DIAPH3: variants seen among roughly 807,000 people sequenced by gnomAD.
The protein encoded by DIAPH3 is diaphanous related formin 3, also known as protein diaphanous homolog 3.
DIAPH3 carries 117 observed loss-of-function variants against 144.3 expected under a neutral mutation model. That is an observed-to-expected ratio of 0.81 (90% CI 0.70 to 0.95). The LOEUF (loss-of-function observed/expected upper bound fraction) is 0.95, where lower values mean the gene tolerates loss of function less well. DIAPH3 is among the 40% of genes least tolerant of loss of function. The pLI is 0.00. For missense variants in DIAPH3, 1,421 were observed against 1,412.7 expected (o/e 1.01, Z -0.09); for synonymous variants, 519 against 488.9 (o/e 1.06, Z -0.81).
chr13:59,820,247 C>G (rs573259921), intron 24 of DIAPH3, among the ~76,000 whole-genome samples: 1 of 151,898 alleles, frequency 6.6e-6, no homozygotes, highest in Non-Finnish European at 1.5e-5. Flanking sequence ...TATTGGAATA[C>G]GATGGTACAC....
At chr13:60,126,438 ATGCACTTTAC>A in intron 2 of DIAPH3, among the ~76,000 whole-genome samples, 1 of 152,334 alleles carries the variant, frequency 6.6e-6, no homozygotes, top group Admixed American at 6.5e-5. Flanking sequence ...AATCTTATAT[ATGCACTTTAC>A]TGCAAAGCTT....
At chr13:59,779,759 G>C (rs973890461) in intron 25 of DIAPH3, among the ~76,000 whole-genome samples, 9 of 152,044 alleles carry the variant, frequency 5.9e-5, no homozygotes, top group African/African-American at 2.2e-4. Flanking sequence ...TTATCTGCCA[G>C]CCTAGGCTTC....
At chr13:59,895,199 C>A (rs2046016037) in intron 20 of DIAPH3, among the ~76,000 whole-genome samples, 1 of 151,978 alleles carries the variant, frequency 6.6e-6, no homozygotes, top group Non-Finnish European at 1.5e-5. Context: ...TTTCCTTGGA[C>A]AAATATAGTA....
intron 27 of DIAPH3, among the ~76,000 whole-genome samples, chr13:59,764,635 GC>G (rs1566277508): frequency 6.7e-6 from 1 of 149,378 alleles, no homozygotes; most frequent in Non-Finnish European, 1.5e-5. Flanking sequence ...TCCCTATAAG[GC>G]AGCCATGTGA....
At chr13:59,904,602 T>C (rs1317064916) in intron 20 of DIAPH3, among the ~76,000 whole-genome samples, 1 of 152,146 alleles carries the variant, frequency 6.6e-6, no homozygotes, top group Non-Finnish European at 1.5e-5. Flanking sequence ...AACCAACTGC[T>C]ATTTTCCATG....
rs67202819 is a variant in DIAPH3 at position 59,812,248 on chromosome 13, G to GCATC, written c.3028-1329_3028-1326dup. ...AGGGGACAGTAACTCATGCATGCAT[G>GCATC]CATCCATCCATCCATCCATCCATCC... On this transcript the variant is annotated intron_variant, in intron 24 of 27. Transcript: ENST00000400324. 7.9e-3 allele frequency among the ~76,000 whole-genome samples: 1,193 copies of GCATC among 150,108 alleles called. 19 individuals carry two copies. The highest frequency in any genetic ancestry group is 0.027 in the African/African-American group (1,098 of 40,724).
At chr13:60,141,269 GAAAT>G (rs2059420294) in intron 1 of DIAPH3, among the ~76,000 whole-genome samples, 1 of 151,942 alleles carries the variant, frequency 6.6e-6, no homozygotes, top group South Asian at 2.1e-4. Context: ...CAAAATATAA[GAAAT>G]AAAAGATAAA....
At chr13:59,765,152 A>ACTTTTTT (rs2037806150) in intron 27 of DIAPH3, among the ~76,000 whole-genome samples, 1 of 152,164 alleles carries the variant, frequency 6.6e-6, no homozygotes, top group South Asian at 2.1e-4. Context: ...TTAATTTTCA[A>ACTTTTTT]CTTTTTTCTG....
chr13:60,104,566 GCACACACACACACA>G (rs10633554), intron 3 of DIAPH3, among the ~76,000 whole-genome samples: 1 of 147,026 alleles, frequency 6.8e-6, no homozygotes, highest in Non-Finnish European at 1.5e-5. Context: ...CAGTATCAAG[GCACACACACACACA>G]CACACACACA....
At chr13:59,758,654 G>A (rs2037408427) in intron 27 of DIAPH3, among the ~76,000 whole-genome samples, 1 of 152,092 alleles carries the variant, frequency 6.6e-6, no homozygotes, top group South Asian at 2.1e-4. Context: ...TAAAATGAAG[G>A]AAGAAGCTAG....
At chr13:59,884,161 G>A (rs1480857462) in intron 20 of DIAPH3, among the ~76,000 whole-genome samples, 5 of 152,070 alleles carry the variant, frequency 3.3e-5, no homozygotes, top group Non-Finnish European at 5.9e-5. Flanking sequence ...CGAGAACCCT[G>A]TTGTGAACTA....
intron 1 of DIAPH3, among the ~76,000 whole-genome samples, chr13:60,153,187 G>A (rs1485361471): frequency 6.6e-6 from 1 of 151,984 alleles, no homozygotes; most frequent in Non-Finnish European, 1.5e-5. Flanking sequence ...TTCCACTTAG[G>A]AAGAGTTCAG....
chr13:59,776,214 A>G (rs1355555207), intron 25 of DIAPH3, among the ~76,000 whole-genome samples: 1 of 152,206 alleles, frequency 6.6e-6, no homozygotes, highest in African/African-American at 2.4e-5. Flanking sequence ...AAACAGATAT[A>G]TAAATATAAA....
intron 3 of DIAPH3, among the ~76,000 whole-genome samples, chr13:60,102,689 A>C (rs1422694719): frequency 6.6e-6 from 1 of 152,208 alleles, no homozygotes; most frequent in Non-Finnish European, 1.5e-5. Flanking sequence ...AAAGATGGCC[A>C]AGCTAAAATC....
At chr13:59,721,876 C>A (rs1039420304) in intron 27 of DIAPH3, among the ~76,000 whole-genome samples, 3 of 152,268 alleles carry the variant, frequency 2.0e-5, no homozygotes, top group Non-Finnish European at 4.4e-5. Flanking sequence ...CAAAACTAAT[C>A]AAGGCAGATA....
Position 60,163,833 on chromosome 13 carries a change from G to A in DIAPH3, c.-67C>T. 2 of 1,528,494 alleles carry A rather than the reference G, an allele frequency of 1.3e-6. No homozygotes were observed. Among genetic ancestry groups the A allele is most frequent in the Non-Finnish European group, 1.8e-6 (2 of 1,141,346 alleles). The allele number at this position is 1,528,494 out of a possible 1,614,324, so 94.7% of individuals were successfully genotyped here. A position where few individuals can be genotyped will look rare whatever the true frequency, so the allele number is the denominator to read the frequency against. ...CAGCAAGCCGCAAGCTGGAAGCTGAGGGATCGACAACAGGTTTTACTCCCG... is the reference window on the plus strand; with the variant it reads ...CAGCAAGCCGCAAGCTGGAAGCTGAAGGATCGACAACAGGTTTTACTCCCG... On this transcript the variant is annotated 5_prime_UTR_variant, in exon 1 of 28. Transcript: ENST00000400324.
intron 27 of DIAPH3, among the ~76,000 whole-genome samples, chr13:59,773,058 AT>A (rs1047847109): frequency 2.0e-5 from 3 of 152,180 alleles, no homozygotes; most frequent in African/African-American, 4.8e-5. Flanking sequence ...GCTCTAAATC[AT>A]AACCCTAAAT....
intron 17 of DIAPH3, among the ~76,000 whole-genome samples, chr13:59,933,354 T>C (rs1029174300): frequency 2.0e-5 from 3 of 152,162 alleles, no homozygotes; most frequent in African/African-American, 7.2e-5. Context: ...AATGAGATGA[T>C]AAATACCTTC....
At chr13:59,852,356 T>C (rs1205015085) in intron 22 of DIAPH3, among the ~76,000 whole-genome samples, 1 of 152,256 alleles carries the variant, frequency 6.6e-6, no homozygotes, top group Non-Finnish European at 1.5e-5. Flanking sequence ...TATTTCCATA[T>C]GGCATTCCTT....
Sources: allele counts gnomAD v4.1 joint callset (sites outside exome capture counted in the v4.1 genomes callset), GRCh38; gene constraint gnomAD v4.1.1; transcripts MANE v1.5; gene names NCBI Gene and HGNC (gene_info 2026-07-23, HGNC 2026-07-21).